Variants in ZNF749 observed in about 807,000 individuals in gnomAD.
ZNF749 encodes zinc finger protein 749.
A neutral mutation model predicts 7.3 loss-of-function variants in ZNF749; 8 were observed. The observed-to-expected ratio is 1.10, with a 90% confidence interval of 0.64 to 1.98. ZNF749 has a LOEUF of 1.98. Among genes scored for constraint, ZNF749 ranks in the 30% most tolerant of loss-of-function variants. The pLI is 0.00. For missense variants in ZNF749, 898 were observed against 932.4 expected, an observed-to-expected ratio of 0.96 and a Z score of 0.48; for synonymous variants, 310 against 322.4, an observed-to-expected ratio of 0.96 and a Z score of 0.41.
Position 57,445,631 on chromosome 19 carries a change from C to A in ZNF749, c.*146C>A. ...TGCGAGGATTTCCTGCTGGGAACTA[C>A]ATTAAAAACATTTATGTCCAGGCGT... On this transcript the variant is annotated 3_prime_UTR_variant, in exon 3 of 3. Transcript: ENST00000334181. The A allele has an allele frequency of 7.4e-7, 1 of 1,356,712 alleles. No homozygotes were observed. The highest frequency in any genetic ancestry group is 9.8e-7 in the Non-Finnish European group (1 of 1,020,174). The allele number at this position is 1,356,712 out of a possible 1,614,324, so 84.0% of individuals were successfully genotyped here.
rs906777683 is a variant in ZNF749 at position 57,445,993 on chromosome 19, T to A, written c.*508T>A. ...ACTTAAAATCTACCATCTTAACCCA[T>A]ATTTAACTGTACTGTTCAGTAGTGT... is the stretch of plus-strand genomic sequence containing the variant. On this transcript the variant is annotated 3_prime_UTR_variant, in exon 3 of 3. Transcript: ENST00000334181. 2.6e-5 allele frequency among the ~76,000 whole-genome samples: 4 copies of A among 152,200 alleles called. No homozygotes were observed. The highest frequency in any genetic ancestry group is 9.6e-5 in the African/African-American group (4 of 41,466).
Position 57,442,095 on chromosome 19 carries a change from C to A in ZNF749, c.142+84C>A. ...CCATGACAACTCTGTCTTTCCCACACCAGATTGTGAGTGCTACGTCCTGTC... is the reference window on the plus strand; with the variant it reads ...CCATGACAACTCTGTCTTTCCCACAACAGATTGTGAGTGCTACGTCCTGTC... On this transcript the variant is annotated intron_variant, in intron 2 of 2. Coordinates refer to ENST00000334181, the MANE Select transcript of ZNF749 (RefSeq NM_001023561.4). This position sits in a 1 kb window ranked among gnomAD's most constrained non-coding sequence, Gnocchi z 6.6. 6.5e-7 allele frequency: 1 copy of A among 1,546,402 alleles called. No homozygotes were observed. The highest frequency in any genetic ancestry group is 1.2e-5 in the South Asian group (1 of 82,242).
rs1264101738 is a variant in ZNF749 at position 57,443,650 on chromosome 19, C to G, written c.502C>G (p.Leu168Val). Residue 168 changes from leucine to valine, a missense_variant, in exon 3 of 3, where the codon CTC becomes GTC. By Grantham distance (32) the Leu-to-Val change is conservative. Transcript: ENST00000334181. ...GGATTTTACTGCCAGCTCAGACCTT[C>G]TCCAGCAACAGGTCTTAAACAGTGG... ...GKDFTASSDL[L>V]QQQVLNSGWK... 6.2e-7 allele frequency: 1 copy of G among 1,614,210 alleles called. No homozygotes were observed. The highest frequency in any genetic ancestry group is 8.5e-7 in the Non-Finnish European group (1 of 1,180,030).
In ZNF749 at chr19:57,445,308, A is replaced by G; in HGVS notation, c.2160A>G (p.Gly720=). ...TTATACATCAGCAGTCTCACACTGGAGAAAGTCCTTTTAAGTTAAGGGAAT... is the reference window on the plus strand; with the variant it reads ...TTATACATCAGCAGTCTCACACTGGGGAAAGTCCTTTTAAGTTAAGGGAAT... ...SLIIHQQSHT[G]ESPFKLRECG... is the part of the protein sequence containing the mutation. Residue 720 remains glycine (G), a synonymous_variant, in exon 3 of 3, where the codon GGA becomes GGG. Coordinates refer to ENST00000334181, the MANE Select transcript of ZNF749 (RefSeq NM_001023561.4). 1.2e-6 allele frequency: 2 copies of G among 1,613,954 alleles called. No homozygotes were observed. Among genetic ancestry groups the G allele is most frequent in the East Asian group, 4.5e-5 (2 of 44,882 alleles).
rs199606126 is a variant in ZNF749 at position 57,444,953 on chromosome 19, A to T, written c.1805A>T (p.His602Leu). 2.2e-5 allele frequency: 36 copies of T among 1,614,030 alleles called. No homozygotes were observed. The East Asian group carries it at 8.0e-4, about 36-fold the overall frequency. ...TTGGACAGCTACAAACTTGTTATTC[A>T]TCAGAGAATTCACACTGGAGAAAAG... ...FFLDSYKLVI[H>L]QRIHTGEKPY... Residue 602 changes from histidine (H) to leucine (L), a missense_variant, in exon 3 of 3, where the codon CAT (histidine) becomes CTT (leucine). Physicochemically the swap from His to Leu is moderately conservative, Grantham distance 99. Transcript: ENST00000334181.
chr19:57,432,584 A>AG (rs1555784015), upstream of ZNF749, among the ~76,000 whole-genome samples: 1,537 of 116,074 alleles, frequency 0.013, 37 homozygotes, highest in Middle Eastern at 0.024. Context: ...AAAAAAAAAA[A>AG]GGTGGGGGGG....
intron 1 of ZNF749, among the ~76,000 whole-genome samples, chr19:57,438,971 C>G (rs2088961175): frequency 6.6e-6 from 1 of 152,078 alleles, no homozygotes; most frequent in African/African-American, 2.4e-5. Context: ...AGTATGGCAG[C>G]AGGGTAGGAG....
Position 57,443,580 on chromosome 19 carries a change from T to C in ZNF749, c.432T>C (p.Ser144=), listed in dbSNP as rs1377080582. ...GGAGGCCTTCATTTGTGAACCACAG[T>C]GCTCACGTGGGAGAGAGGAACTTCA... ...DEWRPSFVNH[S]AHVGERNFTC... The change falls in exon 3 of 3, where the codon AGT becomes AGC. Residue 144 remains serine, a synonymous_variant. Coordinates refer to ENST00000334181, the MANE Select transcript of ZNF749 (RefSeq NM_001023561.4). 1.9e-6 allele frequency: 3 copies of C among 1,614,242 alleles called. No homozygotes were observed. The highest frequency in any genetic ancestry group is 2.5e-6 in the Non-Finnish European group (3 of 1,180,036).
At position 57,444,388 on chromosome 19, in the gene ZNF749, G is replaced by A. The variant is rs368025048; in HGVS notation, c.1240G>A (p.Glu414Lys). 27 of 1,613,956 alleles carry A rather than the reference G, an allele frequency of 1.7e-5. No individual in the cohort carries two copies. The African/African-American group carries it at 3.5e-4, about 21-fold the overall frequency. Residue 414 changes from glutamate (E) to lysine (K), a missense_variant, in exon 3 of 3, where the codon GAA (glutamate) becomes AAA (lysine). Glu to Lys is a moderately conservative substitution (Grantham distance 56, BLOSUM62 1). Transcript: ENST00000334181. ...HAGKRLYKCS[E>K]CGKAFSLKHN... ...TGGCAAAAGGCTTTATAAGTGTAGC[G>A]AATGTGGGAAAGCCTTTAGCCTCAA...
chr19:57,435,644 A>G, intron 1 of ZNF749, 51 bp downstream of exon 1: 1 of 1,588,146 alleles, frequency 6.3e-7, no homozygotes, highest in South Asian at 1.1e-5. Flanking sequence ...CCCAGTGCTG[A>G]AGTCCCAAGG....
Position 57,441,886 on chromosome 19 carries a change from A to G in ZNF749, c.17A>G (p.Asp6Gly). 1 of 1,614,068 alleles carries G rather than the reference A, an allele frequency of 6.2e-7. No individual in the cohort carries two copies. Among genetic ancestry groups the G allele is most frequent in the Non-Finnish European group, 8.5e-7 (1 of 1,179,980 alleles). Residue 6 changes from aspartate to glycine, a missense_variant and splice_region_variant, in exon 2 of 3, where the codon GAT (aspartate) becomes GGT (glycine). Asp to Gly is a moderately conservative substitution (Grantham distance 94, BLOSUM62 -1). Coordinates refer to ENST00000334181, the MANE Select transcript of ZNF749 (RefSeq NM_001023561.4). Reference protein sequence around the residue: MNLTEDCMVFEDVAIY... With the variant: MNLTEGCMVFEDVAIY... ...ACTGAAGTGTCATAATTTTGGCAGG[A>G]TTGTATGGTCTTTGAGGATGTGGCC...
Position 57,443,540 on chromosome 19 carries a change from C to G in ZNF749, c.392C>G (p.Thr131Ser). The change falls in exon 3 of 3, where the codon ACC (threonine) becomes AGC (serine). Residue 131 changes from threonine to serine, a missense_variant. By Grantham distance (58) the Thr-to-Ser change is moderately conservative. Coordinates refer to ENST00000334181, the MANE Select transcript of ZNF749 (RefSeq NM_001023561.4). The part of the protein sequence containing the change: ...HQKEQIREKL[T>S]RSDEWRPSFV... ...AAGGAGCAGATTAGAGAGAAGCTCA[C>G]CAGAAGTGATGAGTGGAGGCCTTCA... 5 of 1,614,226 alleles carry G rather than the reference C, an allele frequency of 3.1e-6. No homozygotes were observed. The highest frequency in any genetic ancestry group is 4.2e-6 in the Non-Finnish European group (5 of 1,180,040).
rs1217548153 is a variant in ZNF749 at position 57,436,929 on chromosome 19, C to T, written c.15+1336C>T. Among the ~76,000 whole-genome samples, 1 of 152,102 alleles carries T rather than the reference C, an allele frequency of 6.6e-6. No homozygotes were observed. The highest frequency in any genetic ancestry group is 1.9e-4 in the East Asian group (1 of 5,198). On this transcript the variant is annotated intron_variant, in intron 1 of 2. Transcript: ENST00000334181. The surrounding 1 kb of genome is among the most constrained non-coding windows in gnomAD (Gnocchi z 4.0). ...TTCAAGTTCACATGTTGATGATAGC[C>T]ATCTGGGACCATAGATTCAAGTTGT...
In ZNF749 at chr19:57,443,387, C is replaced by T; in HGVS notation, c.239C>T (p.Thr80Ile). ...ACAATTCCAAAGCCAGCTTTGTCCA[C>T]CCTGAAGGCCCAGCCCTGCAAGATG... ...QVTIPKPALS[T>I]LKAQPCKMCS... Residue 80 changes from threonine (T) to isoleucine (I), a missense_variant, in exon 3 of 3, where the codon ACC becomes ATC. Thr to Ile is a moderately conservative substitution (Grantham distance 89, BLOSUM62 -1). Coordinates refer to ENST00000334181, the MANE Select transcript of ZNF749 (RefSeq NM_001023561.4). The T allele has an allele frequency of 1.2e-6, 2 of 1,614,230 alleles. No individual in the cohort carries two copies. Among genetic ancestry groups the T allele is most frequent in the Non-Finnish European group, 1.7e-6 (2 of 1,180,038 alleles).
chr19:57,440,052 G>A (rs2088972101), intron 1 of ZNF749, among the ~76,000 whole-genome samples: 1 of 152,272 alleles, frequency 6.6e-6, no homozygotes, highest in South Asian at 2.1e-4. Context: ...GATCGACTGA[G>A]GGTATGTGTG....
upstream of ZNF749, among the ~76,000 whole-genome samples, chr19:57,430,857 T>C (rs556533038): frequency 6.6e-6 from 1 of 152,026 alleles, no homozygotes; most frequent in East Asian, 1.9e-4. Flanking sequence ...CTGGCCAACA[T>C]GGTGAAACCC....
the ZNF749 span, among the ~76,000 whole-genome samples, chr19:57,429,675 G>T: frequency 1.3e-5 from 2 of 151,932 alleles, no homozygotes; most frequent in East Asian, 3.9e-4. The surrounding 1 kb of genome is among the most constrained non-coding windows in gnomAD (Gnocchi z 4.2). Context: ...TTTGAGGCAG[G>T]TCTTCCTCTG....
rs73065220 is a variant in ZNF749 at position 57,443,251 on chromosome 19, G to A, written c.143-40G>A. On this transcript the variant is annotated intron_variant, in intron 2 of 2. Coordinates refer to ENST00000334181, the MANE Select transcript of ZNF749 (RefSeq NM_001023561.4). ...TGTGATGGGGCTGTCTCCTCCCTCC[G>A]GAGTTCACGTGCACTTCACCAGCAT... is the stretch of plus-strand genomic sequence containing the variant. The A allele has an allele frequency of 0.14, 208,489 of 1,530,996 alleles. 15,147 individuals carry two copies. Among genetic ancestry groups the A allele is most frequent in the Non-Finnish European group, 0.15 (165,637 of 1,123,764 alleles). 94.8% of individuals were successfully genotyped at this position (1,530,996 alleles called of 1,614,324 possible).
Position 57,446,440 on chromosome 19 carries a change from C to G in ZNF749, c.*955C>G, listed in dbSNP as rs886964764. On this transcript the variant is annotated 3_prime_UTR_variant, in exon 3 of 3. Transcript: ENST00000334181. The stretch of plus-strand genomic sequence containing the variant: ...CTTTAAACTACTCCTCTTCCTCATT[C>G]CCTACGCCAACCAGCCCCTGACAAT... Among the ~76,000 whole-genome samples, 5 of 152,188 alleles carry G rather than the reference C, an allele frequency of 3.3e-5. No individual in the cohort carries two copies. Among genetic ancestry groups the G allele is most frequent in the Non-Finnish European group, 1.5e-5 (1 of 68,040 alleles).
Sources: allele counts gnomAD v4.1 joint callset (sites outside exome capture counted in the v4.1 genomes callset), GRCh38; gene constraint gnomAD v4.1.1; non-coding constraint Gnocchi (gnomAD v3.1); transcripts MANE v1.5; gene names NCBI Gene and HGNC (gene_info 2026-07-23, HGNC 2026-07-21).